CENPP: variants seen among roughly 807,000 people sequenced by gnomAD.
CENPP encodes the protein centromere protein P.
A neutral mutation model predicts 35.6 loss-of-function variants in CENPP; 24 were observed. That is an observed-to-expected ratio of 0.67 (90% CI 0.49 to 0.95). The LOEUF (loss-of-function observed/expected upper bound fraction) is 0.95, where lower values mean the gene tolerates loss of function less well. Ranked by LOEUF, CENPP falls within the 40% of genes least tolerant of loss-of-function variation. CENPP has a pLI of 0.00. For missense variants in CENPP, 332 were observed against 345.3 expected, an observed-to-expected ratio of 0.96 and a Z score of 0.31; for synonymous variants, 120 against 125.5, an observed-to-expected ratio of 0.96 and a Z score of 0.29.
At chr9:92,448,873 T>C (rs1364505810) in intron 5 of CENPP, among the ~76,000 whole-genome samples, 1 of 152,174 alleles carries the variant, frequency 6.6e-6, no homozygotes, top group Non-Finnish European at 1.5e-5. Flanking sequence ...GCAAGGTCTA[T>C]TACATTTAAA....
At chr9:92,603,003 G>A (rs1850965729) in intron 5 of CENPP, among the ~76,000 whole-genome samples, 1 of 152,062 alleles carries the variant, frequency 6.6e-6, no homozygotes, top group Non-Finnish European at 1.5e-5. Flanking sequence ...GTTGGATAGG[G>A]TGGTCTCGAT....
intron 5 of CENPP, among the ~76,000 whole-genome samples, chr9:92,469,569 G>A (rs1845434729): frequency 6.6e-6 from 1 of 152,118 alleles, no homozygotes; most frequent in Non-Finnish European, 1.5e-5. Flanking sequence ...ATATTGTTAT[G>A]GTATTTTCTA....
intron 4 of CENPP, among the ~76,000 whole-genome samples, chr9:92,353,603 C>T (rs550907078): frequency 4.9e-4 from 74 of 152,300 alleles, no homozygotes; most frequent in African/African-American, 1.5e-3. Context: ...CCCTTCTTAG[C>T]CTGTTGACTT....
At chr9:92,372,682 A>C (rs1351649663) in intron 4 of CENPP, among the ~76,000 whole-genome samples, 43 of 152,148 alleles carry the variant, frequency 2.8e-4, no homozygotes, top group Non-Finnish European at 1.5e-4. Context: ...TCTTTCATTT[A>C]TGAATGAGAA....
intron 5 of CENPP, among the ~76,000 whole-genome samples, chr9:92,561,231 A>AAGCACTGCCTC (rs1849839933): frequency 6.6e-6 from 1 of 152,140 alleles, no homozygotes; most frequent in Non-Finnish European, 1.5e-5. Flanking sequence ...GATTTCTCCC[A>AAGCACTGCCTC]AGCACTGCCT....
chr9:92,356,257 A>G (rs1841586201), intron 4 of CENPP, among the ~76,000 whole-genome samples: 1 of 152,224 alleles, frequency 6.6e-6, no homozygotes, highest in Admixed American at 6.5e-5. Flanking sequence ...GGCAGCCACT[A>G]TTCAATTTTA....
intron 5 of CENPP, chr9:92,416,560 C>T: frequency 7.3e-6 from 8 of 1,094,648 alleles, no homozygotes; most frequent in South Asian, 1.7e-5. Flanking sequence ...ATATTTTTTT[C>T]TTTAAAAGAT....
intron 5 of CENPP, among the ~76,000 whole-genome samples, chr9:92,532,647 C>G (rs1848869291): frequency 6.6e-6 from 1 of 151,948 alleles, no homozygotes; most frequent in South Asian, 2.1e-4. Context: ...CTTCCTTGTT[C>G]TTTTATTGTA....
At chr9:92,451,089 T>A (rs1358952559) in intron 5 of CENPP, among the ~76,000 whole-genome samples, 1 of 150,318 alleles carries the variant, frequency 6.7e-6, no homozygotes, top group Non-Finnish European at 1.5e-5. Flanking sequence ...GTGCAGAAGC[T>A]CTTTAGTTTA....
At chr9:92,417,161 T>A in intron 5 of CENPP, 1 of 1,613,902 alleles carries the variant, frequency 6.2e-7, no homozygotes, top group Non-Finnish European at 8.5e-7. Context: ...CACACCATAA[T>A]CAATCTTTTG....
At chr9:92,385,425 G>T in intron 5 of CENPP, 1 of 514,476 alleles carries the variant, frequency 1.9e-6, no homozygotes. Context: ...ATATTACTTT[G>T]TTTCGAACGT....
intron 3 of CENPP, among the ~76,000 whole-genome samples, chr9:92,342,116 C>T (rs887001611): frequency 1.3e-5 from 2 of 152,252 alleles, no homozygotes; most frequent in Non-Finnish European, 1.5e-5. Flanking sequence ...ATTAGCATTT[C>T]AGGTATCAGG....
At chr9:92,502,443 C>T (rs1846736893) in intron 5 of CENPP, 1 of 1,558,176 alleles carries the variant, frequency 6.4e-7, no homozygotes, top group Non-Finnish European at 8.8e-7. Flanking sequence ...TTCCCAGTTT[C>T]CATACTCTGT....
At chr9:92,508,439 C>T (rs1563974941) in intron 5 of CENPP, among the ~76,000 whole-genome samples, 7 of 152,224 alleles carry the variant, frequency 4.6e-5, no homozygotes. Context: ...CTCTGGAAGG[C>T]AGTTCCAGGG....
At chr9:92,529,740 A>G (rs186033087) in intron 5 of CENPP, among the ~76,000 whole-genome samples, 1 of 152,338 alleles carries the variant, frequency 6.6e-6, no homozygotes, top group Non-Finnish European at 1.5e-5. Flanking sequence ...TTTCAACTCT[A>G]TGACATTCTA....
At chr9:92,388,659 C>G (rs1842537952) in intron 5 of CENPP, among the ~76,000 whole-genome samples, 2 of 151,724 alleles carry the variant, frequency 1.3e-5, no homozygotes, top group South Asian at 4.2e-4. Flanking sequence ...TGGCCAACAC[C>G]CATCTCTACT....
intron 5 of CENPP, among the ~76,000 whole-genome samples, chr9:92,587,480 G>C (rs1012302288): frequency 6.6e-6 from 1 of 151,812 alleles, no homozygotes; most frequent in Non-Finnish European, 1.5e-5. Context: ...CAAAAAAAAG[G>C]GGGGGGACCA....
chr9:92,514,569 C>G (rs1394112182), intron 5 of CENPP: 2 of 1,518,096 alleles, frequency 1.3e-6, no homozygotes, highest in African/African-American at 2.8e-5. Flanking sequence ...GCCACCGTGC[C>G]CAGCTGCTAA....
chr9:92,393,033 G>T, intron 5 of CENPP: 1 of 1,443,790 alleles, frequency 6.9e-7, no homozygotes, highest in Non-Finnish European at 9.5e-7. Flanking sequence ...GTGTTTATAT[G>T]AGTTAAATAC....
Sources: allele counts gnomAD v4.1 joint callset (sites outside exome capture counted in the v4.1 genomes callset), GRCh38; gene constraint gnomAD v4.1.1; transcripts MANE v1.5; gene names NCBI Gene and HGNC (gene_info 2026-07-23, HGNC 2026-07-21).